Variants in CFH observed in about 807,000 individuals in gnomAD.
CFH encodes the protein complement factor H, also known as H factor 1 (complement).
A neutral mutation model predicts 147.3 loss-of-function variants in CFH; 53 were observed. That is an observed-to-expected ratio of 0.36 (90% CI 0.29 to 0.45). The LOEUF (loss-of-function observed/expected upper bound fraction) is 0.45, where lower values mean the gene tolerates loss of function less well. Among genes scored for constraint, CFH ranks in the 20% least tolerant of loss-of-function variants. The pLI is 1.00. For missense variants in CFH, 1,380 were observed against 1,498.0 expected (o/e 0.92, Z 1.30); for synonymous variants, 536 against 489.4 (o/e 1.10, Z -1.26).
intron 9 of CFH, among the ~76,000 whole-genome samples, chr1:196,701,118 G>T (rs536925159): frequency 6.6e-6 from 1 of 152,264 alleles, no homozygotes; most frequent in Non-Finnish European, 1.5e-5. Context: ...ATATGGAAAG[G>T]TCTTTTGTTT....
chr1:196,701,388 C>T (rs1162460168), intron 9 of CFH: 14 of 1,612,978 alleles, frequency 8.7e-6, no homozygotes, highest in African/African-American at 4.0e-5. Context: ...TGACAAGGGC[C>T]AATGGAACCA....
rs1302672604 is a variant in CFH at position 196,747,471 on chromosome 1, C to T, written c.*158C>T. 4 of 887,734 alleles carry T rather than the reference C, an allele frequency of 4.5e-6. No individual in the cohort carries two copies. The highest frequency in any genetic ancestry group is 7.1e-6 in the Non-Finnish European group (4 of 564,344). The allele number at this position is 887,734 out of a possible 1,614,324, so 55.0% of individuals were successfully genotyped here. On this transcript the variant is annotated 3_prime_UTR_variant, in exon 22 of 22. Coordinates refer to ENST00000367429, the MANE Select transcript of CFH (RefSeq NM_000186.4). ...ATAAGCTGAGACCGGTGGCTCTCTT[C>T]TTAAAAGCACCATATTAAATCCTGG...
chr1:196,709,481 T>C (rs1291036964), intron 9 of CFH, among the ~76,000 whole-genome samples: 6 of 152,104 alleles, frequency 3.9e-5, no homozygotes, highest in African/African-American at 7.2e-5. Flanking sequence ...GCCCGATTCA[T>C]ACCATATTAG....
chr1:196,717,269 T>C (rs1036989249), intron 11 of CFH, among the ~76,000 whole-genome samples: 1 of 152,134 alleles, frequency 6.6e-6, no homozygotes, highest in Non-Finnish European at 1.5e-5. Context: ...GTTGACTCTT[T>C]CTTGTTGGTA....
intron 4 of CFH, among the ~76,000 whole-genome samples, chr1:196,676,343 A>C (rs1210883419): frequency 6.6e-6 from 1 of 152,086 alleles, no homozygotes; most frequent in Non-Finnish European, 1.5e-5. Context: ...AATGACTAGA[A>C]ACGCATATAA....
At chr1:196,709,424 T>C (rs1032036341) in intron 9 of CFH, among the ~76,000 whole-genome samples, 1 of 152,116 alleles carries the variant, frequency 6.6e-6, no homozygotes, top group Non-Finnish European at 1.5e-5. Flanking sequence ...TAATCCTGAC[T>C]CTCTCTCTGT....
intron 9 of CFH, among the ~76,000 whole-genome samples, chr1:196,703,699 T>A (rs1249176305): frequency 3.3e-5 from 5 of 151,932 alleles, no homozygotes; most frequent in Non-Finnish European, 7.4e-5. Context: ...AAAGCACAGT[T>A]TTTTGCTGGG....
intron 9 of CFH, among the ~76,000 whole-genome samples, chr1:196,709,060 G>T (rs1385896712): frequency 2.6e-5 from 4 of 152,170 alleles, no homozygotes; most frequent in Non-Finnish European, 5.9e-5. Context: ...TTTACAGAGA[G>T]GAGTCTGTAC....
chr1:196,714,034 T>G, intron 10 of CFH, 117 bp downstream of exon 10: 1 of 898,032 alleles, frequency 1.1e-6, no homozygotes, highest in Non-Finnish European at 1.7e-6. Flanking sequence ...AAAAAAAACC[T>G]GCAGGAACAA....
At chr1:196,681,710 C>T (rs923648208) in intron 6 of CFH, among the ~76,000 whole-genome samples, 36 of 151,770 alleles carry the variant, frequency 2.4e-4, no homozygotes, top group Admixed American at 5.3e-4. Context: ...GAGGATTTAT[C>T]CCAAATTAGT....
chr1:196,705,200 A>AT (rs59788901), intron 9 of CFH, among the ~76,000 whole-genome samples: 98,462 of 149,878 alleles, frequency 0.66, 32,920 homozygotes, highest in East Asian at 0.92. Context: ...CTGGCTTTAC[A>AT]TTTTTTTTTT....
At chr1:196,704,658 A>G (rs758289784) in intron 9 of CFH, among the ~76,000 whole-genome samples, 3 of 152,306 alleles carry the variant, frequency 2.0e-5, no homozygotes. Flanking sequence ...GGCGCTGCCA[A>G]ATCTAAAGCA....
At chr1:196,738,885 T>C (rs999308132) in intron 17 of CFH, among the ~76,000 whole-genome samples, 2 of 152,226 alleles carry the variant, frequency 1.3e-5, no homozygotes, top group African/African-American at 4.8e-5. Context: ...GTTCTCCATG[T>C]GGGCTCCCCC....
rs1267951851 is a variant in CFH at position 196,692,778 on chromosome 1, C to CTT, written c.1336+2541_1336+2542dup. Among the ~76,000 whole-genome samples the CTT allele has an allele frequency of 8.6e-4, 79 of 91,860 alleles. 3 individuals carry two copies. The highest frequency in any genetic ancestry group is 2.4e-3 in the African/African-American group (54 of 22,534). 60.3% of individuals were successfully genotyped at this position (91,860 alleles called of 152,430 possible). On this transcript the variant is annotated intron_variant, in intron 9 of 21. Coordinates refer to ENST00000367429, the MANE Select transcript of CFH (RefSeq NM_000186.4). The stretch of plus-strand genomic sequence containing the variant: ...TCTTTCTTTCTTTCTTTCTTTCTTT[C>CTT]TTTCTTTCTTTCTTTCTTTCTTTCT...
At chr1:196,690,479 T>C in intron 9 of CFH, 4 of 570,506 alleles carry the variant, frequency 7.0e-6, no homozygotes, top group Non-Finnish European at 1.3e-5. Flanking sequence ...AGTAAAAGAA[T>C]TTGAACACAA....
intron 1 of CFH, among the ~76,000 whole-genome samples, chr1:196,670,066 C>A (rs1431344364): frequency 2.6e-5 from 4 of 152,188 alleles, no homozygotes; most frequent in Admixed American, 6.5e-5. Flanking sequence ...TATTGGATTT[C>A]TGACTTTCAT....
intron 7 of CFH, among the ~76,000 whole-genome samples, chr1:196,686,753 A>G (rs564723231): frequency 1.2e-3 from 176 of 152,268 alleles, no homozygotes; most frequent in African/African-American, 4.2e-3. Flanking sequence ...AAATGTATCT[A>G]AACCAACTGA....
chr1:196,677,234 A>C, intron 4 of CFH: 1 of 421,766 alleles, frequency 2.4e-6, no homozygotes, highest in Non-Finnish European at 4.3e-6. Flanking sequence ...CAAAAATACA[A>C]GCTAGCATTG....
chr1:196,736,288 A>G (rs1387993170), intron 15 of CFH, among the ~76,000 whole-genome samples: 1 of 152,090 alleles, frequency 6.6e-6, no homozygotes, highest in Admixed American at 6.6e-5. Flanking sequence ...ATAGCACACT[A>G]TAAATCACTA....
Sources: gnomAD v4.1 joint callset for allele counts (sites outside exome capture counted in the v4.1 genomes callset) on GRCh38, gnomAD v4.1.1 for gene constraint, MANE v1.5 for transcripts, NCBI Gene and HGNC (gene_info 2026-07-23, HGNC 2026-07-21) for gene names.